The following SCIN variants were observed in gnomAD, a reference collection of about 807,000 sequenced individuals.
SCIN encodes adseverin.
SCIN carries 91 observed loss-of-function variants against 91.8 expected under a neutral mutation model. The observed-to-expected ratio is 0.99, with a 90% CI of 0.84 to 1.18. SCIN has a LOEUF of 1.18. SCIN is among the 50% of genes most tolerant of loss of function. The pLI, the probability that SCIN is intolerant of heterozygous loss-of-function variation, is 0.00. For synonymous variants in SCIN, 367 were observed against 312.6 expected, an observed-to-expected ratio of 1.17 and a Z score of -1.84; for missense variants, 1,087 against 863.9, an observed-to-expected ratio of 1.26 and a Z score of -3.24.
At chr7:12,622,240 A>G (rs1302595420) in intron 4 of SCIN, among the ~76,000 whole-genome samples, 1 of 152,104 alleles carries the variant, frequency 6.6e-6, no homozygotes, top group Non-Finnish European at 1.5e-5. Context: ...ATTTTGACAA[A>G]CACTTACTCT....
At chr7:12,625,898 C>G (rs765220455) in intron 7 of SCIN, 48 bp downstream of exon 7, 15 of 1,320,356 alleles carry the variant, frequency 1.1e-5, no homozygotes, top group Non-Finnish European at 3.2e-6. Flanking sequence ...AACATTGGAG[C>G]TCATGACATC....
intron 9 of SCIN, 26 bp downstream of exon 9, chr7:12,629,248 G>C (rs543549781): frequency 1.9e-6 from 3 of 1,583,216 alleles, no homozygotes; most frequent in African/African-American, 2.7e-5. Flanking sequence ...TAAAGATCTC[G>C]AGTTCCACAG....
chr7:12,592,679 G>A (rs1782750613), intron 3 of SCIN, among the ~76,000 whole-genome samples: 1 of 151,992 alleles, frequency 6.6e-6, no homozygotes, highest in African/African-American at 2.4e-5. Context: ...TGGGGGTGGG[G>A]CAATGAGGCA....
Position 12,629,154 on chromosome 7 carries a change from T to C in SCIN, c.1251T>C (p.Gly417=). The stretch of plus-strand genomic sequence containing the variant: ...TCCAAGTTGACCAAAACTCATATGG[T>C]GAATTCTATGGTGGTGACTGCTACA... ...GRIQVDQNSY[G]EFYGGDCYII... Residue 417 remains glycine, a synonymous_variant, in exon 9 of 16, where the codon GGT becomes GGC. Coordinates refer to ENST00000297029, the MANE Select transcript of SCIN (RefSeq NM_001112706.3). The C allele has an allele frequency of 6.2e-7, 1 of 1,613,208 alleles. No individual in the cohort carries two copies. The highest frequency in any genetic ancestry group is 8.5e-7 in the Non-Finnish European group (1 of 1,179,376).
intron 4 of SCIN, among the ~76,000 whole-genome samples, chr7:12,616,566 C>T (rs1378071987): frequency 6.6e-6 from 1 of 152,110 alleles, no homozygotes; most frequent in Admixed American, 6.6e-5. Context: ...ACAGCGAAAA[C>T]ACTGCACTGA....
intron 11 of SCIN, among the ~76,000 whole-genome samples, chr7:12,643,036 C>G (rs1783887858): frequency 6.6e-6 from 1 of 152,194 alleles, no homozygotes; most frequent in African/African-American, 2.4e-5. Context: ...CATACATTAT[C>G]TACGGGCATT....
Position 12,648,295 on chromosome 7 carries a change from C to CTTTT in SCIN, c.1882-1158_1882-1155dup, listed in dbSNP as rs35618552. Reference sequence around the variant, plus strand: ...GCCTATTGACTTTTTCTCTCTCTCTCTTTTTTTTTTTTTTTTTCTGAGACG... The same window carrying CTTTT: ...GCCTATTGACTTTTTCTCTCTCTCTCTTTTTTTTTTTTTTTTTTTTTCTGAGACG... On this transcript the variant is annotated intron_variant, in intron 13 of 15. Transcript: ENST00000297029. 1.2e-4 allele frequency among the ~76,000 whole-genome samples: 16 copies of CTTTT among 133,610 alleles called. 1 individual carries two copies. Among genetic ancestry groups the CTTTT allele is most frequent in the Admixed American group, 1.5e-4 (2 of 12,934 alleles). 87.7% of individuals were successfully genotyped at this position (133,610 alleles called of 152,430 possible). A position where few individuals can be genotyped will look rare whatever the true frequency, so the allele number is the denominator to read the frequency against.
At chr7:12,607,550 G>A (rs1306707491) in intron 4 of SCIN, among the ~76,000 whole-genome samples, 1 of 152,198 alleles carries the variant, frequency 6.6e-6, no homozygotes, top group Non-Finnish European at 1.5e-5. Flanking sequence ...TAATGCTTAA[G>A]ATAAAATGTG....
chr7:12,593,250 A>ATAGCCACTGCTGGAAGCTGGTATT (rs1348188238), intron 3 of SCIN, among the ~76,000 whole-genome samples: 2 of 152,120 alleles, frequency 1.3e-5, no homozygotes, highest in African/African-American at 4.8e-5. Context: ...AGACTGACAG[A>ATAGCCACTGCTGGAAGCTGGTATT]TAGCCACTGC....
Position 12,640,514 on chromosome 7 carries a change from G to A in SCIN, c.1578G>A (p.Val526=). 1.2e-6 allele frequency: 2 copies of A among 1,608,192 alleles called. 1 individual carries two copies. Among genetic ancestry groups the A allele is most frequent in the East Asian group, 4.5e-5 (2 of 44,488 alleles). ...RRNLASITRI[V]EVDVDANSLN... ...ACCTGGCATCTATCACCAGAATTGT[G>A]GAGGTAATGTCATGCATTCCATAAA... The change falls in exon 11 of 16, where the codon GTG becomes GTA. Residue 526 remains valine (V), a synonymous_variant. Transcript: ENST00000297029.
chr7:12,629,685 C>T (rs1783603560), intron 9 of SCIN, among the ~76,000 whole-genome samples: 2 of 152,090 alleles, frequency 1.3e-5, no homozygotes, highest in South Asian at 4.1e-4. Context: ...ATTCTTGTTT[C>T]CATTAAATTC....
At chr7:12,635,456 C>G (rs557134318) in intron 9 of SCIN, among the ~76,000 whole-genome samples, 78 of 150,210 alleles carry the variant, frequency 5.2e-4, no homozygotes, top group Non-Finnish European at 1.1e-3. Context: ...ACTAAAAATA[C>G]AAAAAATTAG....
At chr7:12,612,105 A>G (rs553024200) in intron 4 of SCIN, among the ~76,000 whole-genome samples, 2 of 152,112 alleles carry the variant, frequency 1.3e-5, no homozygotes, top group Non-Finnish European at 2.9e-5. Flanking sequence ...AAATATTTGT[A>G]TGTTTTCCAA....
In SCIN at chr7:12,655,598, T is replaced by C. The variant is rs542439679; in HGVS notation, c.*2883T>C. ...ATTAGCAAATGTTAAAATATTAAAATGTTAGTGGTCATCAAAATGTAGGGT... is the reference window on the plus strand; with the variant it reads ...ATTAGCAAATGTTAAAATATTAAAACGTTAGTGGTCATCAAAATGTAGGGT... On this transcript the variant is annotated 3_prime_UTR_variant, in exon 16 of 16. Coordinates refer to ENST00000297029, the MANE Select transcript of SCIN (RefSeq NM_001112706.3). 21 of 152,318 alleles carry C rather than the reference T, an allele frequency of 1.4e-4. No homozygotes were observed. The highest frequency in any genetic ancestry group is 4.1e-4 in the South Asian group (2 of 4,828). 9.4% of individuals were successfully genotyped at this position (152,318 alleles called of 1,614,324 possible).
At chr7:12,611,589 A>G (rs1397813186) in intron 4 of SCIN, among the ~76,000 whole-genome samples, 1 of 152,220 alleles carries the variant, frequency 6.6e-6, no homozygotes, top group Non-Finnish European at 1.5e-5. Flanking sequence ...CTTTGATTAG[A>G]TAAATCAATC....
intron 5 of SCIN, among the ~76,000 whole-genome samples, chr7:12,623,522 ATTCT>A (rs1039408921): frequency 3.9e-5 from 6 of 152,016 alleles, no homozygotes; most frequent in Admixed American, 3.3e-4. Context: ...AGTTTTTTTT[ATTCT>A]TTGTTTGTTT....
chr7:12,625,586 C>T (rs1314912891), intron 6 of SCIN, among the ~76,000 whole-genome samples, 176 bp from the exon 7 acceptor site: 1 of 151,948 alleles, frequency 6.6e-6, no homozygotes, highest in Admixed American at 6.6e-5. Flanking sequence ...GCCTTGGCTT[C>T]CCAAAGTGCT....
chr7:12,622,151 T>C (rs142768289), intron 4 of SCIN, among the ~76,000 whole-genome samples: 2 of 152,068 alleles, frequency 1.3e-5, no homozygotes, highest in African/African-American at 4.8e-5. Flanking sequence ...CAGATTCAAA[T>C]GTATTTTCTA....
chr7:12,643,208 C>G (rs1783890593), intron 11 of SCIN, among the ~76,000 whole-genome samples: 1 of 152,160 alleles, frequency 6.6e-6, no homozygotes, highest in Non-Finnish European at 1.5e-5. Context: ...CCCAACCTCT[C>G]TGAAATGCAC....
Sources: allele counts gnomAD v4.1 joint callset (sites outside exome capture counted in the v4.1 genomes callset), GRCh38; gene constraint gnomAD v4.1.1; transcripts MANE v1.5; gene names NCBI Gene and HGNC (gene_info 2026-07-23, HGNC 2026-07-21).